RALYL: variants seen among roughly 807,000 people sequenced by gnomAD.
RALYL encodes the protein RNA-binding Raly-like protein.
Under a neutral mutation model 35.1 loss-of-function variants are expected in RALYL, and 29 were observed. The observed-to-expected ratio is 0.83, with a 90% CI of 0.61 to 1.13. RALYL has a LOEUF of 1.13. RALYL is among the 50% of genes most tolerant of loss of function. The pLI, the probability that RALYL is intolerant of heterozygous loss-of-function variation, is 0.00. For missense variants in RALYL, 359 were observed against 360.4 expected, an observed-to-expected ratio of 1.00 and a Z score of 0.03; for synonymous variants, 120 against 127.6, an observed-to-expected ratio of 0.94 and a Z score of 0.40.
intron 1 of RALYL, among the ~76,000 whole-genome samples, chr8:84,383,879 T>C (rs1297126587): frequency 6.6e-6 from 1 of 151,316 alleles, no homozygotes; most frequent in Non-Finnish European, 1.5e-5. Context: ...AATTGAGAGA[T>C]GTGGGTAAGT....
chr8:84,648,467 C>A (rs1038174189), intron 2 of RALYL, among the ~76,000 whole-genome samples: 1 of 151,980 alleles, frequency 6.6e-6, no homozygotes, highest in African/African-American at 2.4e-5. Flanking sequence ...CTTTTCACTG[C>A]AAGGCTAGAA....
At chr8:84,804,250 A>G (rs1039166411) in intron 3 of RALYL, among the ~76,000 whole-genome samples, 5 of 152,324 alleles carry the variant, frequency 3.3e-5, no homozygotes, top group Admixed American at 2.6e-4. Context: ...TTAGAAGCAC[A>G]AAGGAGGCTG....
chr8:84,299,996 T>A (rs1415907270), intron 1 of RALYL, among the ~76,000 whole-genome samples: 1 of 151,914 alleles, frequency 6.6e-6, no homozygotes, highest in Non-Finnish European at 1.5e-5. Context: ...TTGATTTTGC[T>A]TTTATTTTTT....
intron 1 of RALYL, among the ~76,000 whole-genome samples, chr8:84,333,779 G>A (rs1847264720): frequency 6.6e-6 from 1 of 152,112 alleles, no homozygotes; most frequent in South Asian, 2.1e-4. Context: ...ATTTCCAGAT[G>A]TAGATAATCC....
At chr8:84,357,324 T>G (rs1275142198) in intron 1 of RALYL, among the ~76,000 whole-genome samples, 1 of 152,032 alleles carries the variant, frequency 6.6e-6, no homozygotes, top group Non-Finnish European at 1.5e-5. Context: ...AAAGATTGAT[T>G]TCCTTGATTT....
At chr8:84,844,488 T>G (rs1834165937) in intron 4 of RALYL, among the ~76,000 whole-genome samples, 1 of 152,108 alleles carries the variant, frequency 6.6e-6, no homozygotes, top group South Asian at 2.1e-4. Context: ...GGAGAGGATG[T>G]GGAGAAATAG....
intron 1 of RALYL, among the ~76,000 whole-genome samples, chr8:84,455,109 A>G (rs1344320340): frequency 2.0e-5 from 3 of 152,024 alleles, no homozygotes; most frequent in Non-Finnish European, 4.4e-5. Context: ...GGGAACATTG[A>G]TTGGGGAACA....
chr8:84,467,052 G>A (rs1280583013), intron 1 of RALYL, among the ~76,000 whole-genome samples: 1 of 151,838 alleles, frequency 6.6e-6, no homozygotes, highest in African/African-American at 2.4e-5. Flanking sequence ...TGTTAGTCTT[G>A]CTAGCGGTCT....
chr8:84,328,665 A>G (rs900001800), intron 1 of RALYL, among the ~76,000 whole-genome samples: 3 of 152,120 alleles, frequency 2.0e-5, no homozygotes, highest in African/African-American at 7.2e-5. Flanking sequence ...TTATTACATG[A>G]GTATATTGCA....
intron 8 of RALYL, among the ~76,000 whole-genome samples, chr8:84,906,223 T>C (rs1846466448): frequency 6.6e-6 from 1 of 152,136 alleles, no homozygotes; most frequent in African/African-American, 2.4e-5. Context: ...TTTTTAATGC[T>C]CCAAATACAA....
At chr8:84,600,706 A>AT (rs1174172997) in intron 2 of RALYL, among the ~76,000 whole-genome samples, 2 of 152,018 alleles carry the variant, frequency 1.3e-5, no homozygotes, top group Non-Finnish European at 2.9e-5. Flanking sequence ...TGAGGAGGGG[A>AT]TTTTTAAAAA....
At chr8:84,764,077 T>C (rs1275537997) in intron 2 of RALYL, among the ~76,000 whole-genome samples, 1 of 152,206 alleles carries the variant, frequency 6.6e-6, no homozygotes, top group African/African-American at 2.4e-5. Context: ...TAGATGTGGT[T>C]CGATAAAACG....
chr8:84,572,218 T>C (rs1808175829), intron 2 of RALYL, among the ~76,000 whole-genome samples: 1 of 144,066 alleles, frequency 6.9e-6, no homozygotes, highest in African/African-American at 2.5e-5. Flanking sequence ...TTTTTTGTTT[T>C]TGTTGTTTGT....
At chr8:84,434,497 A>G (rs937784612) in intron 1 of RALYL, among the ~76,000 whole-genome samples, 7 of 152,164 alleles carry the variant, frequency 4.6e-5, no homozygotes, top group Non-Finnish European at 8.8e-5. Context: ...TAACCATTTC[A>G]CAATGTATAC....
intron 1 of RALYL, among the ~76,000 whole-genome samples, chr8:84,488,481 C>T (rs1420804649): frequency 1.3e-5 from 2 of 152,032 alleles, no homozygotes; most frequent in Non-Finnish European, 2.9e-5. Context: ...CTGTAAATTG[C>T]TCCTGAATTT....
rs2131361514 is a variant in RALYL at position 84,367,316 on chromosome 8, GTATTTTTTTTTTTTT to G, written c.-23-161981_-23-161967del. 6.6e-5 allele frequency among the ~76,000 whole-genome samples: 2 copies of G among 30,366 alleles called. 1 individual carries two copies. Among genetic ancestry groups the G allele is most frequent in the Admixed American group, 1.0e-3 (2 of 1,938 alleles). The allele number at this position is 30,366 out of a possible 152,430, so 19.9% of individuals were successfully genotyped here. A position where few individuals can be genotyped will look rare whatever the true frequency, so the allele number is the denominator to read the frequency against. ...CTGCCATCCTGCCCAACTAATTTTT[GTATTTTTTTTTTTTT>G]TTTTTTTTTTTTTTTTTTTTTTTTT... On this transcript the variant is annotated intron_variant, in intron 1 of 8. Transcript: ENST00000521268.
chr8:84,423,681 C>T (rs2045967833), intron 1 of RALYL, among the ~76,000 whole-genome samples: 1 of 151,816 alleles, frequency 6.6e-6, no homozygotes, highest in Admixed American at 6.6e-5. Context: ...TTTGCAGTGG[C>T]TGGTACCGGT....
At chr8:84,190,896 G>A (rs116197086) in intron 1 of RALYL, among the ~76,000 whole-genome samples, 5,238 of 151,858 alleles carry the variant, frequency 0.034, 331 homozygotes, top group African/African-American at 0.12. Context: ...GAATGTAAAA[G>A]GGGCTGATAA....
At chr8:84,501,015 T>C (rs1030137569) in intron 1 of RALYL, among the ~76,000 whole-genome samples, 12 of 152,170 alleles carry the variant, frequency 7.9e-5, no homozygotes, top group African/African-American at 2.9e-4. Flanking sequence ...GTGAGTACTT[T>C]TGAGATTCAT....
Sources: gnomAD v4.1 joint callset for allele counts (sites outside exome capture counted in the v4.1 genomes callset) on GRCh38, gnomAD v4.1.1 for gene constraint, MANE v1.5 for transcripts, NCBI Gene and HGNC (gene_info 2026-07-23, HGNC 2026-07-21) for gene names.